Variants in TRPM6 observed in about 807,000 individuals in gnomAD.
TRPM6 encodes channel kinase 2.
Under a neutral mutation model 247.6 loss-of-function variants are expected in TRPM6, and 111 were observed. The observed-to-expected ratio is 0.45, with a 90% CI of 0.38 to 0.52. The LOEUF (loss-of-function observed/expected upper bound fraction) is 0.52, where lower values mean the gene tolerates loss of function less well. TRPM6 is among the 20% of genes least tolerant of loss of function. The pLI, the probability that TRPM6 is intolerant of heterozygous loss-of-function variation, is 0.00. For missense variants in TRPM6, 2,126 were observed against 2,421.5 expected, an observed-to-expected ratio of 0.88 and a Z score of 2.56; for synonymous variants, 892 against 853.8, an observed-to-expected ratio of 1.04 and a Z score of -0.78.
intron 32 of TRPM6, 148 bp downstream of exon 32, chr9:74,743,947 T>C (rs537511591): frequency 8.2e-5 from 66 of 802,686 alleles, no homozygotes; most frequent in African/African-American, 7.4e-4. Flanking sequence ...AAGTTAGAAA[T>C]TGGAATGTTC....
chr9:74,768,741 ACTGCACTATT>A (rs1826911835), intron 25 of TRPM6, among the ~76,000 whole-genome samples: 1 of 152,196 alleles, frequency 6.6e-6, no homozygotes. Flanking sequence ...ACATCAGTGC[ACTGCACTATT>A]CTCTCAAATG....
chr9:74,746,051 G>T (rs1271852326), intron 31 of TRPM6, among the ~76,000 whole-genome samples: 1 of 152,106 alleles, frequency 6.6e-6, no homozygotes, highest in African/African-American at 2.4e-5. Flanking sequence ...GACCATCCTG[G>T]CTAACACGGT....
At chr9:74,877,249 C>A (rs1488791100) in intron 1 of TRPM6, among the ~76,000 whole-genome samples, 1 of 152,152 alleles carries the variant, frequency 6.6e-6, no homozygotes, top group Non-Finnish European at 1.5e-5. Flanking sequence ...AAACACATGT[C>A]TATACAAAAA....
chr9:74,820,196 C>G (rs1240564049), intron 9 of TRPM6, 108 bp downstream of exon 9: 3 of 1,288,842 alleles, frequency 2.3e-6, no homozygotes, highest in African/African-American at 1.5e-5. Context: ...GTATGTTGTT[C>G]CCCTTCCTGT....
At chr9:74,836,918 C>A (rs888494734) in intron 5 of TRPM6, among the ~76,000 whole-genome samples, 2 of 152,310 alleles carry the variant, frequency 1.3e-5, no homozygotes, top group Admixed American at 6.5e-5. Context: ...CCAAGACTTC[C>A]AAGGTGCCCT....
At chr9:74,849,351 CA>C (rs11333236) in intron 3 of TRPM6, among the ~76,000 whole-genome samples, 12,594 of 69,518 alleles carry the variant, frequency 0.18, 1,020 homozygotes, top group African/African-American at 0.4. Context: ...AACTTCATCT[CA>C]AAAAAAAAAA....
At chr9:74,826,398 A>C (rs1016461453) in intron 7 of TRPM6, among the ~76,000 whole-genome samples, 1 of 152,194 alleles carries the variant, frequency 6.6e-6, no homozygotes, top group African/African-American at 2.4e-5. Context: ...CAATGCTCAA[A>C]GGCTGAAGAG....
intron 27 of TRPM6, among the ~76,000 whole-genome samples, chr9:74,760,340 T>C (rs927982547): frequency 6.6e-6 from 1 of 152,334 alleles, no homozygotes; most frequent in African/African-American, 2.4e-5. Context: ...GATACACAAA[T>C]ACCATTGTGT....
chr9:74,728,360 A>G lies in TRPM6; in HGVS notation c.5829-15T>C. Reference sequence around the variant, plus strand: ...TTCCTCTTGATCTAGAGGAAATATCAGAATATCAATTAGATCACAGCTAAG... The same window carrying G: ...TTCCTCTTGATCTAGAGGAAATATCGGAATATCAATTAGATCACAGCTAAG... On this transcript the variant is annotated splice_polypyrimidine_tract_variant and intron_variant, in intron 37 of 38. Transcript: ENST00000360774. 2.6e-6 allele frequency: 4 copies of G among 1,550,728 alleles called. No homozygotes were observed. The highest frequency in any genetic ancestry group is 2.7e-6 in the Non-Finnish European group (3 of 1,122,326).
intron 37 of TRPM6, among the ~76,000 whole-genome samples, chr9:74,731,656 A>C (rs1304901783): frequency 6.7e-6 from 1 of 149,972 alleles, no homozygotes; most frequent in Non-Finnish European, 1.5e-5. Context: ...GGAAAGTAAA[A>C]ATTTCAGATT....
intron 1 of TRPM6, chr9:74,887,510 C>T (rs1033722000): frequency 3.5e-6 from 4 of 1,143,712 alleles, no homozygotes; most frequent in Middle Eastern, 2.9e-4. Context: ...GTGTTTCCCA[C>T]CGCCCCGAGC....
Position 74,827,822 on chromosome 9 carries a change from C to T in TRPM6, c.797G>A (p.Arg266Lys). 1 of 1,614,112 alleles carries T rather than the reference C, an allele frequency of 6.2e-7. No homozygotes were observed. The highest frequency in any genetic ancestry group is 8.5e-7 in the Non-Finnish European group (1 of 1,180,034). The change falls in exon 7 of 39, where the codon AGA becomes AAA. Residue 266 changes from arginine (R) to lysine (K), a missense_variant. By Grantham distance (26) the Arg-to-Lys change is conservative. Transcript: ENST00000360774. The stretch of plus-strand genomic sequence containing the variant: ...AGAGAGGTACTTCTCCAGGTTCCTT[C>T]TGAGCTTCATTTCATTTCCATACTT... ...VGKYGNEMKL[R>K]RNLEKYLSLQ...
rs746814348 is a variant in TRPM6 at position 74,763,091 on chromosome 9, C to T, written c.3580G>A (p.Val1194Met). Residue 1194 changes from valine (V) to methionine (M), a missense_variant, in exon 26 of 39, where the codon GTG (valine) becomes ATG (methionine). By Grantham distance (21) the Val-to-Met change is conservative. Transcript: ENST00000360774. ...AGTAAGGAGTCCTTTATAAAAGACACCTTTTCATTCATTTCTTTCAGCTGG... is the reference window on the plus strand; with the variant it reads ...AGTAAGGAGTCCTTTATAAAAGACATCTTTTCATTCATTTCTTTCAGCTGG... ...YFQLKEMNEK[V>M]SFIKDSLLSL... The T allele has an allele frequency of 1.5e-5, 25 of 1,613,650 alleles. No homozygotes were observed. Among genetic ancestry groups the T allele is most frequent in the Non-Finnish European group, 2.0e-5 (24 of 1,180,042 alleles).
intron 5 of TRPM6, among the ~76,000 whole-genome samples, chr9:74,837,199 G>A (rs1829752987): frequency 6.6e-6 from 1 of 152,232 alleles, no homozygotes; most frequent in Non-Finnish European, 1.5e-5. Flanking sequence ...CTATGGTTGA[G>A]AAGCCTGTCA....
intron 7 of TRPM6, 136 bp downstream of exon 7, chr9:74,827,642 A>T (rs187757705): frequency 3.5e-6 from 3 of 856,020 alleles, no homozygotes; most frequent in Non-Finnish European, 6.0e-6. Context: ...CCATGTGGGA[A>T]GGGGGGTGGC....
At chr9:74,794,646 T>G (rs114637121) in intron 18 of TRPM6, among the ~76,000 whole-genome samples, 1,843 of 152,322 alleles carry the variant, frequency 0.012, 30 homozygotes, top group African/African-American at 0.041. Flanking sequence ...CTTATTATTT[T>G]TCTAGGAGTG....
intron 14 of TRPM6, among the ~76,000 whole-genome samples, chr9:74,807,685 T>G (rs780013547): frequency 6.6e-6 from 1 of 152,188 alleles, no homozygotes; most frequent in Non-Finnish European, 1.5e-5. Flanking sequence ...GATATCAGTA[T>G]TTTCGGAAGA....
chr9:74,862,720 G>A (rs560857068), intron 1 of TRPM6, among the ~76,000 whole-genome samples: 51 of 152,224 alleles, frequency 3.4e-4, no homozygotes, highest in Admixed American at 6.5e-4. Flanking sequence ...GGTGGCTCAC[G>A]CCTGTAATCC....
chr9:74,737,393 C>G (rs1256421715), intron 36 of TRPM6: 4 of 1,289,784 alleles, frequency 3.1e-6, no homozygotes, highest in East Asian at 5.5e-5. Context: ...GTCTGCTTAT[C>G]TCTACATTCT....
Sources: allele counts gnomAD v4.1 joint callset (sites outside exome capture counted in the v4.1 genomes callset), GRCh38; gene constraint gnomAD v4.1.1; transcripts MANE v1.5; gene names NCBI Gene and HGNC (gene_info 2026-07-23, HGNC 2026-07-21).